PELI2: variants seen among roughly 807,000 people sequenced by gnomAD.
The protein encoded by PELI2 is pellino E3 ubiquitin protein ligase family member 2.
In PELI2, 23 loss-of-function variants were observed where a neutral mutation model predicts 42.3. The ratio of observed to expected loss-of-function variants is 0.54; its 90% confidence interval spans 0.39 to 0.77. The LOEUF is 0.77. Ranked by LOEUF, PELI2 falls within the 30% of genes least tolerant of loss-of-function variation. PELI2 has a pLI of 0.00. For synonymous variants in PELI2, 245 were observed against 212.2 expected, an observed-to-expected ratio of 1.15 and a Z score of -1.34; for missense variants, 463 against 553.2, an observed-to-expected ratio of 0.84 and a Z score of 1.64.
At chr14:56,140,353 A>G (rs1484186833) in intron 1 of PELI2, among the ~76,000 whole-genome samples, 5 of 152,228 alleles carry the variant, frequency 3.3e-5, no homozygotes, top group African/African-American at 4.8e-5. Flanking sequence ...AATGAAAGCC[A>G]TTTGAATATA....
chr14:56,172,786 A>G (rs903019335), intron 1 of PELI2, among the ~76,000 whole-genome samples: 1 of 152,166 alleles, frequency 6.6e-6, no homozygotes, highest in African/African-American at 2.4e-5. Context: ...TTTGTTTTGA[A>G]GATGGGTGAG....
intron 3 of PELI2, among the ~76,000 whole-genome samples, chr14:56,283,258 C>T (rs1167814616): frequency 6.6e-6 from 1 of 152,180 alleles, no homozygotes; most frequent in Non-Finnish European, 1.5e-5. Flanking sequence ...TTACTAACTT[C>T]TGAGTACTTT....
At chr14:56,278,149 C>G (rs372190555) in intron 2 of PELI2, among the ~76,000 whole-genome samples, 5 of 152,152 alleles carry the variant, frequency 3.3e-5, no homozygotes, top group African/African-American at 1.2e-4. Context: ...GTAATCAACT[C>G]CTGATTGTTA....
intron 2 of PELI2, among the ~76,000 whole-genome samples, chr14:56,239,455 A>G (rs1348829249): frequency 6.6e-6 from 1 of 152,196 alleles, no homozygotes; most frequent in Non-Finnish European, 1.5e-5. Context: ...TTTTAGAGTA[A>G]GTAGGTATGT....
At chr14:56,274,439 C>A (rs1889218255) in intron 2 of PELI2, among the ~76,000 whole-genome samples, 1 of 152,270 alleles carries the variant, frequency 6.6e-6, no homozygotes, top group Non-Finnish European at 1.5e-5. Context: ...ATTTATTTCC[C>A]TCATACTTTA....
chr14:56,184,014 C>G (rs571005804), intron 2 of PELI2, among the ~76,000 whole-genome samples: 6 of 151,240 alleles, frequency 4.0e-5, no homozygotes, highest in Non-Finnish European at 8.9e-5. Context: ...AACCACTTAA[C>G]TTTTTTTTTG....
At chr14:56,262,955 T>C (rs946109462) in intron 2 of PELI2, among the ~76,000 whole-genome samples, 3 of 152,164 alleles carry the variant, frequency 2.0e-5, no homozygotes, top group Non-Finnish European at 2.9e-5. Flanking sequence ...GGGGGTTGTT[T>C]ATAAATTTTC....
At chr14:56,158,001 G>C (rs1166949675) in intron 1 of PELI2, among the ~76,000 whole-genome samples, 1 of 152,084 alleles carries the variant, frequency 6.6e-6, no homozygotes, top group Non-Finnish European at 1.5e-5. Context: ...CTATGTTACT[G>C]TTTCATTTAT....
At chr14:56,179,003 C>T (rs555829971) in intron 2 of PELI2, among the ~76,000 whole-genome samples, 9 of 152,008 alleles carry the variant, frequency 5.9e-5, no homozygotes, top group East Asian at 1.9e-4. Flanking sequence ...AAAGTATACA[C>T]GACCAAGTGA....
At chr14:56,236,654 G>A (rs1471457844) in intron 2 of PELI2, among the ~76,000 whole-genome samples, 2 of 152,138 alleles carry the variant, frequency 1.3e-5, no homozygotes, top group Non-Finnish European at 2.9e-5. Flanking sequence ...GTAATTCTCT[G>A]AGACAGGAGT....
intron 2 of PELI2, among the ~76,000 whole-genome samples, chr14:56,251,723 A>G (rs1211902160): frequency 6.6e-6 from 1 of 152,224 alleles, no homozygotes; most frequent in Non-Finnish European, 1.5e-5. Flanking sequence ...CTACTCTTGG[A>G]AAGAGGCTGC....
chr14:56,167,138 C>T (rs1221873409), intron 1 of PELI2, among the ~76,000 whole-genome samples: 1 of 152,130 alleles, frequency 6.6e-6, no homozygotes, highest in African/African-American at 2.4e-5. Context: ...TATTAAATAC[C>T]TTGAGGTATT....
At chr14:56,181,192 C>T (rs753851570) in intron 2 of PELI2, among the ~76,000 whole-genome samples, 1 of 152,084 alleles carries the variant, frequency 6.6e-6, no homozygotes, top group Non-Finnish European at 1.5e-5. Flanking sequence ...ATATCCAACC[C>T]ATTAGCCTGT....
rs1249137424 is a variant in PELI2 at position 56,180,593 on chromosome 14, C to G, written c.207+2129C>G. ...CCAAGGGAGATGGGCAAACTAAGAG[C>G]AGACATATTTATTGTGAGCAGATCA... On this transcript the variant is annotated intron_variant, in intron 2 of 5. Transcript: ENST00000267460. This position sits in a 1 kb window ranked among gnomAD's most constrained non-coding sequence, Gnocchi z 4.4. 6.6e-6 allele frequency among the ~76,000 whole-genome samples: 1 copy of G among 152,186 alleles called. No homozygotes were observed. The highest frequency in any genetic ancestry group is 1.5e-5 in the Non-Finnish European group (1 of 68,030).
intron 2 of PELI2, among the ~76,000 whole-genome samples, chr14:56,204,501 A>G (rs4901652): frequency 0.4 from 60,830 of 151,934 alleles, 12,903 homozygotes; most frequent in South Asian, 0.53. Context: ...GGAGTAGAAC[A>G]GGGGAGAAGA....
At chr14:56,146,287 A>G (rs1884114945) in intron 1 of PELI2, among the ~76,000 whole-genome samples, 1 of 152,190 alleles carries the variant, frequency 6.6e-6, no homozygotes. Context: ...GACAATGGAA[A>G]TGGTAATAGT....
At chr14:56,149,147 A>G (rs1049256876) in intron 1 of PELI2, among the ~76,000 whole-genome samples, 2 of 152,318 alleles carry the variant, frequency 1.3e-5, no homozygotes, top group African/African-American at 2.4e-5. Context: ...TGGCTTTAGT[A>G]TGTATGGATC....
chr14:56,228,817 A>C (rs1887454087), intron 2 of PELI2, among the ~76,000 whole-genome samples: 1 of 152,230 alleles, frequency 6.6e-6, no homozygotes, highest in Admixed American at 6.5e-5. Context: ...TCACCTGGGA[A>C]GCGCAAGAGA....
chr14:56,244,318 CAG>C (rs893116346), intron 2 of PELI2, among the ~76,000 whole-genome samples: 10 of 152,126 alleles, frequency 6.6e-5, no homozygotes, highest in Admixed American at 4.6e-4. Flanking sequence ...GACGTAATAT[CAG>C]GGGTATGCAA....
Sources: gnomAD v4.1 joint callset for allele counts (sites outside exome capture counted in the v4.1 genomes callset) on GRCh38, gnomAD v4.1.1 for gene constraint, Gnocchi (gnomAD v3.1) non-coding constraint, MANE v1.5 for transcripts, NCBI Gene and HGNC (gene_info 2026-07-23, HGNC 2026-07-21) for gene names.